MICAL2: variants seen among roughly 807,000 people sequenced by gnomAD.
MICAL2 encodes the protein [F-actin]-monooxygenase MICAL2.
A neutral mutation model predicts 127.3 loss-of-function variants in MICAL2; 77 were observed. The observed-to-expected ratio is 0.60, with a 90% CI of 0.50 to 0.73. The LOEUF is 0.73. MICAL2 is among the 30% of genes least tolerant of loss of function. The pLI is 0.00. For missense variants in MICAL2, 1,351 were observed against 1,434.4 expected, an observed-to-expected ratio of 0.94 and a Z score of 0.94; for synonymous variants, 570 against 551.1, an observed-to-expected ratio of 1.03 and a Z score of -0.48.
In MICAL2 at chr11:12,256,938, C is replaced by A; in HGVS notation, c.3109C>A (p.Arg1037Ser). Residue 1037 changes from arginine (R) to serine (S), a missense_variant, in exon 24 of 28, where the codon CGC becomes AGC. By Grantham distance (110) the Arg-to-Ser change is moderately radical (BLOSUM62 -1). Transcript: ENST00000683283. ...FRCSICATTLRLAAYTFDCDE... is the reference protein window; with the variant it reads ...FRCSICATTLSLAAYTFDCDE... Reference sequence around the variant, plus strand: ...CTGCAGCATCTGTGCCACCACCTTGCGCCTGGCCGCCTACACCTTTGACTG... The same window carrying A: ...CTGCAGCATCTGTGCCACCACCTTGAGCCTGGCCGCCTACACCTTTGACTG... The A allele has an allele frequency of 6.2e-7, 1 of 1,613,842 alleles. No homozygotes were observed. The highest frequency in any genetic ancestry group is 8.5e-7 in the Non-Finnish European group (1 of 1,179,888).
chr11:12,356,375 A>C (rs1173247442), intron 34 of MICAL2, among the ~76,000 whole-genome samples: 2 of 152,188 alleles, frequency 1.3e-5, no homozygotes, highest in East Asian at 3.9e-4. Flanking sequence ...TTTGGGATGA[A>C]AATGTGCAGT....
intron 2 of MICAL2, among the ~76,000 whole-genome samples, chr11:12,148,055 G>T (rs574733141): frequency 6.6e-6 from 1 of 152,112 alleles, no homozygotes; most frequent in Non-Finnish European, 1.5e-5. Flanking sequence ...TTAAGATCCC[G>T]CCCTGGTACC....
intron 3 of MICAL2, among the ~76,000 whole-genome samples, chr11:12,201,558 T>G (rs1853993408): frequency 6.6e-6 from 1 of 152,048 alleles, no homozygotes; most frequent in Non-Finnish European, 1.5e-5. Flanking sequence ...GGAAAGAGTT[T>G]CCTCTCATTC....
chr11:12,337,389 CT>C (rs1938785565), intron 32 of MICAL2, among the ~76,000 whole-genome samples: 1 of 152,074 alleles, frequency 6.6e-6, no homozygotes, highest in African/African-American at 2.4e-5. Context: ...TTTTGTTGAT[CT>C]TTTCAAAAAA....
At chr11:12,233,210 G>A (rs1858542902) in intron 15 of MICAL2, among the ~76,000 whole-genome samples, 1 of 152,192 alleles carries the variant, frequency 6.6e-6, no homozygotes, top group South Asian at 2.1e-4. Flanking sequence ...AACAGCTTAT[G>A]AACTAAACAA....
chr11:12,320,047 T>C (rs1337763962), intron 30 of MICAL2, among the ~76,000 whole-genome samples: 4 of 152,138 alleles, frequency 2.6e-5, no homozygotes, highest in Non-Finnish European at 5.9e-5. Flanking sequence ...AAAAGACATA[T>C]TTACTTGAAA....
intron 29 of MICAL2, among the ~76,000 whole-genome samples, chr11:12,304,008 C>T (rs1479150464): frequency 6.6e-6 from 1 of 151,948 alleles, no homozygotes; most frequent in East Asian, 1.9e-4. Flanking sequence ...CCAGCCTGGG[C>T]AAGAGACCAA....
Position 12,242,323 on chromosome 11 carries a change from AGCTGGG to A in MICAL2, c.2448_2453del (p.Gln816_Gly818delinsHis). On this transcript the variant is annotated inframe_deletion, in exon 19 of 28. Transcript: ENST00000683283. Reference sequence around the variant, plus strand: ...AGAGCCAGAGCCAAGTCTGACCTACAGCTGGGTGGGACAGAAAATTTCGCTACCCTG... The same window carrying A: ...AGAGCCAGAGCCAAGTCTGACCTACATGGGACAGAAAATTTCGCTACCCTG... The A allele has an allele frequency of 6.2e-7, 1 of 1,614,144 alleles. No homozygotes were observed. The highest frequency in any genetic ancestry group is 8.5e-7 in the Non-Finnish European group (1 of 1,179,976).
downstream of MICAL2, chr11:12,292,439 G>A: frequency 1.1e-6 from 1 of 889,080 alleles, no homozygotes; most frequent in Admixed American, 2.3e-5. Context: ...ACTCTGTCAA[G>A]GGTCTACCCC....
At chr11:12,286,811 G>A (rs1238618821) in intron 2 of MICAL2, 3 of 254,886 alleles carry the variant, frequency 1.2e-5, no homozygotes, top group African/African-American at 2.2e-5. Context: ...AGAGGTCGAG[G>A]GGGCAGTGAG....
chr11:12,286,053 G>T (rs1388858380), intron 2 of MICAL2, among the ~76,000 whole-genome samples: 1 of 152,224 alleles, frequency 6.6e-6, no homozygotes, highest in East Asian at 1.9e-4. Context: ...GGACCCCACT[G>T]CCCACTCTCA....
At chr11:12,224,873 C>G in intron 13 of MICAL2, 53 bp downstream of exon 13, 14 of 1,563,088 alleles carry the variant, frequency 9.0e-6, no homozygotes, top group Non-Finnish European at 1.2e-5. Context: ...CAAGGCCATT[C>G]TGCTGCATGC....
Position 12,239,371 on chromosome 11 carries a change from A to C in MICAL2, c.2065-65A>C. 10 of 1,607,482 alleles carry C rather than the reference A, an allele frequency of 6.2e-6. 1 individual carries two copies. The South Asian group carries it at 9.9e-5, about 16-fold the overall frequency. ...AGCTAGTCCCACGTCCTGAGTCCCC[A>C]AGTCTGCTTTCTGATATCCAGATTC... On this transcript the variant is annotated intron_variant, in intron 16 of 27. Transcript: ENST00000683283.
intron 32 of MICAL2, among the ~76,000 whole-genome samples, chr11:12,336,295 A>G (rs1056303775): frequency 6.6e-6 from 1 of 152,192 alleles, no homozygotes; most frequent in Non-Finnish European, 1.5e-5. Context: ...ATTTTTGCAC[A>G]TTGATTTTGT....
At chr11:12,339,760 G>T (rs150101356) in intron 32 of MICAL2, among the ~76,000 whole-genome samples, 6 of 152,038 alleles carry the variant, frequency 3.9e-5, no homozygotes, top group Admixed American at 2.0e-4. Context: ...GCAGAACAGC[G>T]GATATTGGTG....
intron 9 of MICAL2, among the ~76,000 whole-genome samples, chr11:12,220,972 C>T (rs770190596): frequency 1.8e-4 from 28 of 152,224 alleles, no homozygotes; most frequent in Non-Finnish European, 3.1e-4. Context: ...AGAAAGTTTT[C>T]TCTTTAGTGT....
intron 3 of MICAL2, among the ~76,000 whole-genome samples, chr11:12,180,921 CTTTTTTTTT>C (rs56946936): frequency 4.2e-4 from 35 of 82,440 alleles, no homozygotes; most frequent in East Asian, 8.2e-4. Context: ...TATTTTCCTT[CTTTTTTTTT>C]TTTTTTTTTT....
intron 8 of MICAL2, among the ~76,000 whole-genome samples, chr11:12,217,763 C>T (rs1292217256): frequency 6.6e-6 from 1 of 152,130 alleles, no homozygotes; most frequent in Non-Finnish European, 1.5e-5. Flanking sequence ...CAGGCCCATG[C>T]TTGTCTTCAC....
chr11:12,258,275 G>A (rs1420075687), intron 24 of MICAL2, among the ~76,000 whole-genome samples, 193 bp from the exon 25 acceptor site: 3 of 152,142 alleles, frequency 2.0e-5, no homozygotes, highest in Non-Finnish European at 2.9e-5. Flanking sequence ...GCAGCAAAGG[G>A]CCCTCCTACC....
Sources: gnomAD v4.1 joint callset for allele counts (sites outside exome capture counted in the v4.1 genomes callset) on GRCh38, gnomAD v4.1.1 for gene constraint, MANE v1.5 for transcripts, NCBI Gene and HGNC (gene_info 2026-07-23, HGNC 2026-07-21) for gene names.